The following SMCO4 variants were observed in gnomAD, a reference collection of about 807,000 sequenced individuals.
SMCO4 encodes the protein single-pass membrane protein with coiled-coil domains 4.
In SMCO4, 4 loss-of-function variants were observed where a neutral mutation model predicts 3.6. That is an observed-to-expected ratio of 1.11 (90% CI 0.54 to 2.53). The LOEUF (loss-of-function observed/expected upper bound fraction) is 2.53. Among genes scored for constraint, SMCO4 ranks in the 30% most tolerant of loss-of-function variants. SMCO4 has a pLI of 0.02. For missense variants in SMCO4, 70 were observed against 80.8 expected (o/e 0.87, Z 0.51); for synonymous variants, 36 against 35.3 (o/e 1.02, Z -0.07).
intron 2 of SMCO4, among the ~76,000 whole-genome samples, chr11:93,487,462 T>C (rs1490731852): frequency 1.3e-5 from 2 of 152,068 alleles, no homozygotes; most frequent in South Asian, 2.1e-4. Context: ...GGAGGGATCA[T>C]AGCTACAGAC....
intron 1 of SMCO4, among the ~76,000 whole-genome samples, chr11:93,533,763 C>T (rs1273923102): frequency 1.3e-5 from 2 of 152,180 alleles, no homozygotes; most frequent in Non-Finnish European, 2.9e-5. Context: ...CACCTTCATC[C>T]CTTTTAATTC....
intron 1 of SMCO4, among the ~76,000 whole-genome samples, chr11:93,530,369 T>C (rs938437094): frequency 4.1e-4 from 63 of 152,122 alleles, no homozygotes; most frequent in African/African-American, 1.4e-3. Flanking sequence ...TGTGGGTGGG[T>C]GGGTAGGTGA....
At chr11:93,536,683 C>G (rs939945241) in intron 1 of SMCO4, among the ~76,000 whole-genome samples, 4 of 152,140 alleles carry the variant, frequency 2.6e-5, no homozygotes, top group African/African-American at 9.7e-5. Context: ...GGGAGGGGTG[C>G]TGGGTGAAGG....
chr11:93,545,845 T>G (rs1413081658), upstream of SMCO4, among the ~76,000 whole-genome samples: 2 of 152,194 alleles, frequency 1.3e-5, no homozygotes. Context: ...GGGCTTTCGA[T>G]GTGCACTTGT....
intron 1 of SMCO4, among the ~76,000 whole-genome samples, chr11:93,527,600 G>GCA (rs916210650): frequency 5.3e-5 from 8 of 152,024 alleles, no homozygotes; most frequent in African/African-American, 1.9e-4. Flanking sequence ...GGGACTACAG[G>GCA]CACACACCAC....
intron 1 of SMCO4, among the ~76,000 whole-genome samples, chr11:93,542,114 G>GAAAA (rs11417314): frequency 6.1e-5 from 9 of 148,514 alleles, no homozygotes; most frequent in Non-Finnish European, 1.2e-4. Flanking sequence ...TTGTAAAGGG[G>GAAAA]AAAAAAAAAA....
intron 1 of SMCO4, among the ~76,000 whole-genome samples, chr11:93,533,243 C>T (rs927746010): frequency 6.6e-6 from 1 of 152,132 alleles, no homozygotes; most frequent in Non-Finnish European, 1.5e-5. Context: ...AGTCTTTGCC[C>T]TCCCCTTGAT....
At chr11:93,485,856 TA>T (rs1948642299) in intron 2 of SMCO4, among the ~76,000 whole-genome samples, 1 of 152,206 alleles carries the variant, frequency 6.6e-6, no homozygotes, top group South Asian at 2.1e-4. Flanking sequence ...ACAAGATTGG[TA>T]TTTTTACCCC....
intron 1 of SMCO4, among the ~76,000 whole-genome samples, chr11:93,524,496 G>A (rs1949087621): frequency 6.6e-6 from 1 of 152,168 alleles, no homozygotes; most frequent in Non-Finnish European, 1.5e-5. Flanking sequence ...ATCCCCATCT[G>A]TAAAATGGAG....
At chr11:93,493,637 G>C (rs140040620) in intron 2 of SMCO4, among the ~76,000 whole-genome samples, 27 of 152,278 alleles carry the variant, frequency 1.8e-4, no homozygotes, top group African/African-American at 5.3e-4. Flanking sequence ...CCTCTAACTA[G>C]AATGTGTTCA....
At chr11:93,487,610 C>T (rs576896761) in intron 2 of SMCO4, among the ~76,000 whole-genome samples, 75 of 152,276 alleles carry the variant, frequency 4.9e-4, no homozygotes, top group African/African-American at 1.6e-3. Flanking sequence ...AGTGGGTTGC[C>T]GAATGACAGA....
intron 1 of SMCO4, among the ~76,000 whole-genome samples, chr11:93,514,558 T>G (rs918163653): frequency 2.4e-4 from 37 of 151,914 alleles, no homozygotes; most frequent in African/African-American, 8.9e-4. Context: ...AAACCCCAGC[T>G]GCCTCACGTA....
chr11:93,547,233 C>G (rs114598580), upstream of SMCO4, among the ~76,000 whole-genome samples: 459 of 152,274 alleles, frequency 3.0e-3, 3 homozygotes, highest in African/African-American at 0.011. Context: ...ACTCAAGATT[C>G]CAAACCCTAG....
At chr11:93,534,215 TACACACACACACACAC>T (rs71064754) in intron 1 of SMCO4, among the ~76,000 whole-genome samples, 14 of 128,416 alleles carry the variant, frequency 1.1e-4, no homozygotes, top group Non-Finnish European at 1.8e-4. Flanking sequence ...AATATATATA[TACACACACACACACAC>T]ACACACACAC....
intron 1 of SMCO4, among the ~76,000 whole-genome samples, chr11:93,524,221 C>A (rs1387176748): frequency 6.6e-6 from 1 of 152,138 alleles, no homozygotes; most frequent in Non-Finnish European, 1.5e-5. Flanking sequence ...ATTTATAGGA[C>A]ACAGACTCAG....
Position 93,478,801 on chromosome 11 carries a change from G to T in SMCO4, c.*209C>A, listed in dbSNP as rs1447765490. ...AAAGGCACATGAAGTGGACCATAAG[G>T]TGTATGGCACATTCACTGATAAAAC... On this transcript the variant is annotated 3_prime_UTR_variant, in exon 3 of 3. Coordinates refer to ENST00000298966, the MANE Select transcript of SMCO4 (RefSeq NM_020179.3). The T allele has an allele frequency of 7.2e-7, 1 of 1,381,532 alleles. No homozygotes were observed. Among genetic ancestry groups the T allele is most frequent in the Non-Finnish European group, 9.4e-7 (1 of 1,063,922 alleles). 85.6% of individuals were successfully genotyped at this position (1,381,532 alleles called of 1,614,324 possible).
At chr11:93,551,160 G>GAA in the SMCO4 span, among the ~76,000 whole-genome samples, 5 of 151,998 alleles carry the variant, frequency 3.3e-5, no homozygotes, top group South Asian at 2.1e-4. Context: ...TCAGTGGAGA[G>GAA]AAAAAATGTA....
intron 2 of SMCO4, among the ~76,000 whole-genome samples, chr11:93,498,930 C>G (rs1001356806): frequency 1.3e-5 from 2 of 152,118 alleles, no homozygotes; most frequent in African/African-American, 2.4e-5. Flanking sequence ...GAGAATAAAG[C>G]GTGGAAGTAA....
intron 2 of SMCO4, chr11:93,481,489 G>A (rs1948592010): frequency 2.0e-6 from 2 of 985,430 alleles, no homozygotes; most frequent in Non-Finnish European, 2.4e-6. Context: ...GCTTGGCACA[G>A]AGCGGGCGGC....
Sources: gnomAD v4.1 joint callset for allele counts (sites outside exome capture counted in the v4.1 genomes callset) on GRCh38, gnomAD v4.1.1 for gene constraint, MANE v1.5 for transcripts, NCBI Gene and HGNC (gene_info 2026-07-23, HGNC 2026-07-21) for gene names.